ANKRD44: variants seen among roughly 807,000 people sequenced by gnomAD.
The protein encoded by ANKRD44 is ankyrin repeat domain 44.
In ANKRD44, 35 loss-of-function variants were observed where a neutral mutation model predicts 116.0. That is an observed-to-expected ratio of 0.30 (90% confidence interval 0.23 to 0.40). The LOEUF (loss-of-function observed/expected upper bound fraction) is 0.40, where lower values mean the gene tolerates loss of function less well. Among genes scored for constraint, ANKRD44 ranks in the 10% least tolerant of loss-of-function variants. ANKRD44 has a pLI of 1.00. For synonymous variants in ANKRD44, 435 were observed against 461.8 expected (o/e 0.94, Z 0.74); for missense variants, 1,014 against 1,242.6 (o/e 0.82, Z 2.77).
chr2:197,246,359 T>TTTTTC (rs763758507), intron 1 of ANKRD44, among the ~76,000 whole-genome samples: 9 of 104,454 alleles, frequency 8.6e-5, no homozygotes, highest in Non-Finnish European at 1.7e-4. Flanking sequence ...GCTTTTTTTT[T>TTTTTC]TTTTTTTTTT....
chr2:196,986,922 C>G lies in ANKRD44; in HGVS notation c.*2669G>C, dbSNP rs1193381345. On this transcript the variant is annotated 3_prime_UTR_variant, in exon 28 of 28. Coordinates refer to ENST00000282272, the MANE Select transcript of ANKRD44 (RefSeq NM_001195144.2). ...AGAAAACATTATAGACAAAATCCCA[C>G]TGAAATCATCAAACAATATTTTATG... The G allele has an allele frequency of 3.0e-6, 3 of 985,246 alleles. No individual in the cohort carries two copies. The highest frequency in any genetic ancestry group is 3.6e-6 in the Non-Finnish European group (3 of 829,912). The allele number at this position is 985,246 out of a possible 1,614,324, so 61.0% of individuals were successfully genotyped here.
chr2:197,008,233 C>T (rs541241730), intron 19 of ANKRD44, among the ~76,000 whole-genome samples: 9 of 152,172 alleles, frequency 5.9e-5, no homozygotes, highest in East Asian at 3.9e-4. Context: ...ATATCAAGGG[C>T]GGGGAGTATG....
chr2:197,163,110 C>A (rs2080011056), intron 2 of ANKRD44, among the ~76,000 whole-genome samples: 2 of 152,182 alleles, frequency 1.3e-5, no homozygotes, highest in South Asian at 4.1e-4. Context: ...GGCCTTGTTT[C>A]AAAGCTGTTT....
intron 1 of ANKRD44, among the ~76,000 whole-genome samples, chr2:197,236,202 T>G (rs1386435792): frequency 6.6e-6 from 1 of 152,154 alleles, no homozygotes; most frequent in African/African-American, 2.4e-5. Context: ...AGAATTTAAG[T>G]TGAAAGCACT....
intron 16 of ANKRD44, among the ~76,000 whole-genome samples, chr2:197,044,342 G>A (rs2076963409): frequency 6.6e-6 from 1 of 152,090 alleles, no homozygotes; most frequent in Admixed American, 6.5e-5. Context: ...TCAGAAGGGT[G>A]CCTGGCATTT....
At chr2:197,146,975 G>T in intron 3 of ANKRD44, 52 bp downstream of exon 3, 1 of 1,523,238 alleles carries the variant, frequency 6.6e-7, no homozygotes, top group Admixed American at 1.7e-5. Flanking sequence ...CTAGTAAATT[G>T]GTTATTTAAA....
intron 21 of ANKRD44, 29 bp downstream of exon 21, chr2:197,005,665 T>C (rs571258655): frequency 1.2e-6 from 2 of 1,609,068 alleles, no homozygotes; most frequent in East Asian, 2.2e-5. Context: ...GGAAGTCTAG[T>C]GGAATCAGTC....
chr2:197,056,114 A>G (rs2077197564), intron 16 of ANKRD44, among the ~76,000 whole-genome samples: 1 of 151,744 alleles, frequency 6.6e-6, no homozygotes, highest in South Asian at 2.1e-4. Context: ...CTCAATTGAT[A>G]CTCCTGCCTC....
intron 17 of ANKRD44, chr2:197,016,044 GCAGGAGAGAGCGATGAGTTGT>G (rs2076386473): frequency 5.8e-6 from 3 of 518,398 alleles, no homozygotes; most frequent in Non-Finnish European, 1.1e-5. Context: ...AGAGTTCTTA[GCAGGAGAGAGCGATGAGTTGT>G]CAGGAGAGCT....
chr2:197,084,461 C>T (rs1162825875), intron 13 of ANKRD44, among the ~76,000 whole-genome samples: 1 of 152,172 alleles, frequency 6.6e-6, no homozygotes, highest in Non-Finnish European at 1.5e-5. Flanking sequence ...TGTATTGTCT[C>T]ATCCTCCCCA....
At chr2:197,147,569 T>C (rs2079536651) in intron 2 of ANKRD44, among the ~76,000 whole-genome samples, 1 of 152,150 alleles carries the variant, frequency 6.6e-6, no homozygotes, top group East Asian at 1.9e-4. Context: ...TTTTCTCCTT[T>C]CTATGCTTGT....
chr2:196,991,592 T>A (rs1452823428), intron 27 of ANKRD44, among the ~76,000 whole-genome samples: 1 of 152,110 alleles, frequency 6.6e-6, no homozygotes. Flanking sequence ...TAACAAATTT[T>A]TTTTTTGACA....
At chr2:197,262,941 A>C (rs6725211) in intron 1 of ANKRD44, among the ~76,000 whole-genome samples, 1 of 152,160 alleles carries the variant, frequency 6.6e-6, no homozygotes, top group Non-Finnish European at 1.5e-5. Context: ...TTAGCAATAC[A>C]TTCAAAATTT....
chr2:197,184,828 C>T (rs1158257485), intron 2 of ANKRD44, among the ~76,000 whole-genome samples: 1 of 152,096 alleles, frequency 6.6e-6, no homozygotes, highest in African/African-American at 2.4e-5. Context: ...ATACATCATA[C>T]ATCCATCATA....
At chr2:197,054,514 A>G (rs1324721826) in intron 16 of ANKRD44, among the ~76,000 whole-genome samples, 1 of 152,234 alleles carries the variant, frequency 6.6e-6, no homozygotes, top group African/African-American at 2.4e-5. Context: ...AAGACAATAA[A>G]GTGCCTGTAG....
intron 9 of ANKRD44, among the ~76,000 whole-genome samples, chr2:197,102,162 C>T (rs1273050899): frequency 6.6e-6 from 1 of 152,052 alleles, no homozygotes; most frequent in Non-Finnish European, 1.5e-5. Flanking sequence ...GATTTTTGTA[C>T]AGTTTTATTG....
intron 27 of ANKRD44, chr2:196,989,870 T>C: frequency 5.0e-6 from 6 of 1,210,066 alleles, no homozygotes; most frequent in Non-Finnish European, 6.2e-6. Flanking sequence ...TTTTAAAAGT[T>C]AGTATTTTGA....
At chr2:197,286,850 T>C (rs139296996) in intron 1 of ANKRD44, among the ~76,000 whole-genome samples, 1 of 152,236 alleles carries the variant, frequency 6.6e-6, no homozygotes, top group African/African-American at 2.4e-5. Context: ...CTAGATCCCT[T>C]TTTAAAAGAA....
Position 197,136,401 on chromosome 2 carries a change from A to G in ANKRD44, c.261+191T>C, listed in dbSNP as rs527615921. 2.6e-5 allele frequency: 16 copies of G among 607,830 alleles called. No homozygotes were observed. In the East Asian group the frequency reaches 4.2e-4, roughly 16 times the overall value. The allele number at this position is 607,830 out of a possible 1,614,324, so 37.7% of individuals were successfully genotyped here. On this transcript the variant is annotated intron_variant, in intron 4 of 27. Transcript: ENST00000282272. ...CTGTCCATGTTGAACTACCCCAGAT[A>G]CTCCCCAGCCCCACTCAGCACTATG...
Sources: gnomAD v4.1 joint callset for allele counts (sites outside exome capture counted in the v4.1 genomes callset) on GRCh38, gnomAD v4.1.1 for gene constraint, MANE v1.5 for transcripts, NCBI Gene and HGNC (gene_info 2026-07-23, HGNC 2026-07-21) for gene names.